Variants in LRP1B observed in about 807,000 individuals in gnomAD.
LRP1B encodes LDL receptor related protein 1B, also known as low-density lipoprotein receptor-related protein 1B.
Under a neutral mutation model 556.6 loss-of-function variants are expected in LRP1B, and 217 were observed. The observed-to-expected ratio is 0.39, with a 90% CI of 0.35 to 0.44. LRP1B has a LOEUF of 0.44. LRP1B is among the 20% of genes least tolerant of loss of function. LRP1B has a pLI of 1.00. For synonymous variants in LRP1B, 2,047 were observed against 1,865.8 expected (o/e 1.10, Z -2.50); for missense variants, 5,053 against 5,620.8 (o/e 0.90, Z 3.23).
chr2:141,745,340 A>C (rs1000434140), intron 2 of LRP1B, among the ~76,000 whole-genome samples: 1 of 152,138 alleles, frequency 6.6e-6, no homozygotes, highest in African/African-American at 2.4e-5. Flanking sequence ...AAAATATTAG[A>C]AATCTACCGG....
intron 20 of LRP1B, among the ~76,000 whole-genome samples, chr2:140,926,286 TC>T (rs1694884245): frequency 6.6e-6 from 1 of 152,100 alleles, no homozygotes; most frequent in African/African-American, 2.4e-5. Flanking sequence ...GGTTATATAT[TC>T]TCCCCAGCCT....
At chr2:140,614,468 G>A (rs1683188979) in intron 41 of LRP1B, among the ~76,000 whole-genome samples, 1 of 152,070 alleles carries the variant, frequency 6.6e-6, no homozygotes, top group Non-Finnish European at 1.5e-5. Context: ...TAAAGGAAGA[G>A]TTGAAGATAT....
chr2:141,464,606 A>ATATATATATATATATATATATTTTTT, intron 3 of LRP1B, among the ~76,000 whole-genome samples: 1 of 90,560 alleles, frequency 1.1e-5, no homozygotes, highest in African/African-American at 4.3e-5. Flanking sequence ...ATATATATAT[A>ATATATATATATATATATATATTTTTT]TTTTTTTAGT....
chr2:141,184,559 T>C (rs1331305216), intron 7 of LRP1B, among the ~76,000 whole-genome samples: 2 of 151,706 alleles, frequency 1.3e-5, no homozygotes, highest in South Asian at 2.1e-4. Context: ...CCCCTTTTTT[T>C]CAATCGTGCT....
At chr2:140,805,744 G>T (rs1197001553) in intron 32 of LRP1B, among the ~76,000 whole-genome samples, 4 of 152,032 alleles carry the variant, frequency 2.6e-5, no homozygotes, top group African/African-American at 9.7e-5. Context: ...ATCATGCAAG[G>T]TTAAAACTTT....
intron 35 of LRP1B, among the ~76,000 whole-genome samples, chr2:140,750,765 A>C (rs1254909485): frequency 6.6e-6 from 1 of 152,160 alleles, no homozygotes; most frequent in Non-Finnish European, 1.5e-5. Flanking sequence ...AAAACATGAC[A>C]CAAACATGAC....
chr2:141,935,074 A>C (rs1257443836), intron 1 of LRP1B, among the ~76,000 whole-genome samples: 1 of 152,106 alleles, frequency 6.6e-6, no homozygotes, highest in Non-Finnish European at 1.5e-5. Context: ...AATGACAGTA[A>C]GACAGACAGT....
At chr2:140,233,702 C>A (rs1029020337) in intron 90 of LRP1B, among the ~76,000 whole-genome samples, 2 of 151,366 alleles carry the variant, frequency 1.3e-5, no homozygotes, top group Admixed American at 1.3e-4. Context: ...ATTGCTATTA[C>A]AAGCCTATCC....
At chr2:141,456,571 C>T (rs903085365) in intron 3 of LRP1B, among the ~76,000 whole-genome samples, 17 of 152,218 alleles carry the variant, frequency 1.1e-4, no homozygotes, top group African/African-American at 3.9e-4. Context: ...TATAGATATT[C>T]ATTAAATACT....
At chr2:141,757,692 T>G (rs1694372566) in intron 2 of LRP1B, among the ~76,000 whole-genome samples, 1 of 151,992 alleles carries the variant, frequency 6.6e-6, no homozygotes, top group Non-Finnish European at 1.5e-5. Flanking sequence ...TGCCAATATG[T>G]CCAGCTAATT....
chr2:141,119,716 TTGTGTGTGTGTGTGTGTGTGTC>T (rs1251553052), intron 7 of LRP1B, among the ~76,000 whole-genome samples: 1 of 149,400 alleles, frequency 6.7e-6, no homozygotes, highest in African/African-American at 2.5e-5. Flanking sequence ...ACCCAAGAGG[TTGTGTGTGTGTGTGTGTGTGTC>T]TGTGTGTGTG....
chr2:140,927,446 A>AT (rs1246536405), intron 20 of LRP1B, among the ~76,000 whole-genome samples: 14 of 152,256 alleles, frequency 9.2e-5, no homozygotes, highest in Non-Finnish European at 8.8e-5. Flanking sequence ...CAGTTTTATG[A>AT]TTGTACCATT....
intron 21 of LRP1B, among the ~76,000 whole-genome samples, chr2:140,913,921 C>T (rs569626039): frequency 6.6e-6 from 1 of 151,836 alleles, no homozygotes; most frequent in African/African-American, 2.4e-5. Flanking sequence ...ATCGAATTCA[C>T]ACAAAAGATG....
At chr2:140,342,646 TAGG>T (rs1681453522) in intron 77 of LRP1B, among the ~76,000 whole-genome samples, 1 of 151,484 alleles carries the variant, frequency 6.6e-6, no homozygotes, top group Non-Finnish European at 1.5e-5. Context: ...ATCCAAAGAA[TAGG>T]ATGGGGACTC....
chr2:141,708,750 C>T (rs1692243672), intron 2 of LRP1B, among the ~76,000 whole-genome samples: 1 of 151,974 alleles, frequency 6.6e-6, no homozygotes, highest in African/African-American at 2.4e-5. Flanking sequence ...CAAATGAAGC[C>T]TTTAGGGTGG....
intron 52 of LRP1B, among the ~76,000 whole-genome samples, chr2:140,508,865 T>C (rs1440831050): frequency 6.6e-6 from 1 of 152,090 alleles, no homozygotes; most frequent in Non-Finnish European, 1.5e-5. Context: ...ACTGGGACCA[T>C]CTGGATCCCT....
At chr2:140,897,244 C>T (rs1693980215) in intron 23 of LRP1B, among the ~76,000 whole-genome samples, 1 of 152,036 alleles carries the variant, frequency 6.6e-6, no homozygotes, top group Admixed American at 6.5e-5. Context: ...GCTCAGAAAA[C>T]AGCACCACAA....
chr2:141,056,284 T>C (rs1699176756), intron 9 of LRP1B, among the ~76,000 whole-genome samples: 1 of 151,858 alleles, frequency 6.6e-6, no homozygotes, highest in Non-Finnish European at 1.5e-5. Flanking sequence ...CTCTCCACTT[T>C]CTAAATCTTA....
intron 7 of LRP1B, among the ~76,000 whole-genome samples, chr2:141,187,213 C>T (rs1681300088): frequency 6.6e-6 from 1 of 152,046 alleles, no homozygotes; most frequent in African/African-American, 2.4e-5. Flanking sequence ...GCTGCAAATA[C>T]AAATAGAGCT....
Sources: gnomAD v4.1 joint callset for allele counts (sites outside exome capture counted in the v4.1 genomes callset) on GRCh38, gnomAD v4.1.1 for gene constraint, MANE v1.5 for transcripts, NCBI Gene and HGNC (gene_info 2026-07-23, HGNC 2026-07-21) for gene names.